The following DIP2B variants were observed in gnomAD, a reference collection of about 807,000 sequenced individuals.
The protein encoded by DIP2B is disco-interacting protein 2 homolog B.
Under a neutral mutation model 198.0 loss-of-function variants are expected in DIP2B, and 76 were observed. That is an observed-to-expected ratio of 0.38 (90% CI 0.32 to 0.46). The LOEUF is 0.46. Ranked by LOEUF, DIP2B falls within the 20% of genes least tolerant of loss-of-function variation. DIP2B has a pLI of 0.99. For synonymous variants in DIP2B, 701 were observed against 739.1 expected, an observed-to-expected ratio of 0.95 and a Z score of 0.84; for missense variants, 1,559 against 1,978.4, an observed-to-expected ratio of 0.79 and a Z score of 4.02.
chr12:50,588,702 T>C, intron 1 of DIP2B, among the ~76,000 whole-genome samples: 1 of 152,184 alleles, frequency 6.6e-6, no homozygotes, highest in East Asian at 1.9e-4. Context: ...TGCTGGATTC[T>C]ATATTTACAG....
chr12:50,643,045 A>AGT (rs2139489664), intron 3 of DIP2B, among the ~76,000 whole-genome samples: 1 of 95,766 alleles, frequency 1.0e-5, no homozygotes, highest in South Asian at 3.4e-4. Context: ...TGTGTGTGTG[A>AGT]GTGTGTGTGT....
At chr12:50,714,659 A>G in intron 23 of DIP2B, 63 bp downstream of exon 23, 1 of 1,582,414 alleles carries the variant, frequency 6.3e-7, no homozygotes, top group Non-Finnish European at 8.6e-7. Context: ...GGGTTCTCTC[A>G]GTGTGATTCT....
intron 3 of DIP2B, among the ~76,000 whole-genome samples, chr12:50,654,325 T>C (rs1379916245): frequency 6.6e-6 from 1 of 151,630 alleles, no homozygotes; most frequent in Non-Finnish European, 1.5e-5. Context: ...AAAAAACAGA[T>C]GCCATACTGA....
At chr12:50,653,534 G>A (rs1328109350) in intron 3 of DIP2B, among the ~76,000 whole-genome samples, 1 of 151,440 alleles carries the variant, frequency 6.6e-6, no homozygotes, top group Non-Finnish European at 1.5e-5. Flanking sequence ...TAGAGACGAG[G>A]TGTTGCCATG....
chr12:50,641,097 C>T (rs1235380412), intron 3 of DIP2B, among the ~76,000 whole-genome samples: 1 of 152,204 alleles, frequency 6.6e-6, no homozygotes, highest in Non-Finnish European at 1.5e-5. Flanking sequence ...TGGCTCACGC[C>T]TGTAACCCCA....
intron 1 of DIP2B, among the ~76,000 whole-genome samples, chr12:50,607,839 G>T (rs1958996857): frequency 6.6e-6 from 1 of 152,168 alleles, no homozygotes; most frequent in Admixed American, 6.5e-5. Flanking sequence ...TGTCACCCAG[G>T]CTGGAGTGCA....
intron 1 of DIP2B, among the ~76,000 whole-genome samples, chr12:50,509,912 T>G (rs1443907104): frequency 6.6e-6 from 1 of 152,222 alleles, no homozygotes; most frequent in East Asian, 1.9e-4. Flanking sequence ...GGAATGTAGA[T>G]TTTTAAATAA....
intron 1 of DIP2B, among the ~76,000 whole-genome samples, chr12:50,599,831 A>C (rs1958920137): frequency 6.6e-6 from 1 of 152,210 alleles, no homozygotes; most frequent in Admixed American, 6.5e-5. Context: ...CATTTCTATA[A>C]AAATTACCTG....
At chr12:50,714,698 G>C in intron 23 of DIP2B, 102 bp downstream of exon 23, 2 of 1,411,280 alleles carry the variant, frequency 1.4e-6, no homozygotes, top group Non-Finnish European at 1.9e-6. Flanking sequence ...CAAAGACTTT[G>C]GGAGGCCAAG....
chr12:50,614,306 C>T (rs892602451), intron 1 of DIP2B, among the ~76,000 whole-genome samples: 1 of 152,128 alleles, frequency 6.6e-6, no homozygotes, highest in East Asian at 1.9e-4. Context: ...CCTGGTCTCC[C>T]CACTGTGTGT....
At chr12:50,650,631 A>G (rs1938437054) in intron 3 of DIP2B, among the ~76,000 whole-genome samples, 1 of 152,216 alleles carries the variant, frequency 6.6e-6, no homozygotes, top group Non-Finnish European at 1.5e-5. Flanking sequence ...GTAGCATAAG[A>G]TGGGATTCCC....
At chr12:50,627,468 G>T (rs771953858) in intron 2 of DIP2B, among the ~76,000 whole-genome samples, 3 of 152,082 alleles carry the variant, frequency 2.0e-5, no homozygotes, top group Non-Finnish European at 4.4e-5. Context: ...TGAGTAGCTG[G>T]AACTACAGGT....
At chr12:50,576,717 A>T (rs1312792117) in intron 1 of DIP2B, among the ~76,000 whole-genome samples, 2 of 150,044 alleles carry the variant, frequency 1.3e-5, no homozygotes, top group African/African-American at 2.5e-5. Flanking sequence ...TCTTGACCTC[A>T]TGATCTGCCC....
intron 1 of DIP2B, among the ~76,000 whole-genome samples, chr12:50,598,213 T>C (rs1255934576): frequency 6.6e-6 from 1 of 152,210 alleles, no homozygotes; most frequent in Non-Finnish European, 1.5e-5. Flanking sequence ...AAAAACTGGG[T>C]TAGCCACATA....
intron 30 of DIP2B, 108 bp from the exon 31 acceptor site, chr12:50,731,261 C>G: frequency 1.4e-5 from 19 of 1,361,794 alleles, no homozygotes; most frequent in Non-Finnish European, 1.9e-5. Context: ...TCATATGTCC[C>G]TACACTGTCC....
At chr12:50,662,114 A>C (rs528578322) in intron 4 of DIP2B, among the ~76,000 whole-genome samples, 1 of 152,204 alleles carries the variant, frequency 6.6e-6, no homozygotes, top group Admixed American at 6.5e-5. Flanking sequence ...GTTGTGGCCT[A>C]ATGTTCTTGA....
At chr12:50,537,586 A>G (rs565999882) in intron 1 of DIP2B, among the ~76,000 whole-genome samples, 13 of 152,292 alleles carry the variant, frequency 8.5e-5, no homozygotes, top group African/African-American at 2.9e-4. Context: ...TGGCTGTTCA[A>G]TAGGCAGTTA....
chr12:50,698,483 C>T lies in DIP2B; in HGVS notation c.2188+16C>T. ...ATGCCTGGTGGTGAGTCGCAAGGAGCATCATTTGGTTTTTCATAAAGATTT... is the reference window on the plus strand; with the variant it reads ...ATGCCTGGTGGTGAGTCGCAAGGAGTATCATTTGGTTTTTCATAAAGATTT... On this transcript the variant is annotated intron_variant, in intron 18 of 37. Transcript: ENST00000301180. 2 of 1,598,852 alleles carry T rather than the reference C, an allele frequency of 1.3e-6. No homozygotes were observed. The highest frequency in any genetic ancestry group is 8.5e-7 in the Non-Finnish European group (1 of 1,173,602).
At chr12:50,714,091 G>A (rs1273691413) in intron 22 of DIP2B, among the ~76,000 whole-genome samples, 1 of 152,188 alleles carries the variant, frequency 6.6e-6, no homozygotes, top group South Asian at 2.1e-4. Flanking sequence ...ATGAGACCCT[G>A]TCTCTAAAAA....
Sources: allele counts gnomAD v4.1 joint callset (sites outside exome capture counted in the v4.1 genomes callset), GRCh38; gene constraint gnomAD v4.1.1; transcripts MANE v1.5; gene names NCBI Gene and HGNC (gene_info 2026-07-23, HGNC 2026-07-21).